DCLK1: variants seen among roughly 807,000 people sequenced by gnomAD.
DCLK1 encodes the protein doublecortin like kinase 1, also known as serine/threonine-protein kinase DCLK1.
In DCLK1, 16 loss-of-function variants were observed where a neutral mutation model predicts 86.2. The observed-to-expected ratio is 0.19, with a 90% confidence interval of 0.13 to 0.28. The LOEUF is 0.28. Ranked by LOEUF, DCLK1 falls within the 10% of genes least tolerant of loss-of-function variation. DCLK1 has a pLI of 1.00. For missense variants in DCLK1, 590 were observed against 940.2 expected (o/e 0.63, Z 4.87); for synonymous variants, 369 against 370.5 (o/e 1.00, Z 0.05).
At chr13:36,001,214 C>G (rs1880700849) in intron 3 of DCLK1, among the ~76,000 whole-genome samples, 1 of 152,194 alleles carries the variant, frequency 6.6e-6, no homozygotes, top group African/African-American at 2.4e-5. Context: ...TCCCAAAGTG[C>G]TGGGATTATA....
At chr13:35,925,804 T>C (rs1184923941) in intron 4 of DCLK1, among the ~76,000 whole-genome samples, 1 of 152,218 alleles carries the variant, frequency 6.6e-6, no homozygotes, top group East Asian at 1.9e-4. Flanking sequence ...ACTCTAATTA[T>C]ACACGTGCAT....
chr13:35,836,175 A>G lies in DCLK1; in HGVS notation c.1121-34T>C, dbSNP rs746648529. ...ATCATTAATACTTTTTTATTGGTTG[A>G]AAAGGGAACACAGATGTTGCACAAG... On this transcript the variant is annotated intron_variant, in intron 7 of 16. Transcript: ENST00000360631. 5.2e-6 allele frequency: 8 copies of G among 1,527,480 alleles called. No homozygotes were observed. In the Admixed American group the frequency reaches 1.2e-4, roughly 24 times the overall value. The allele number at this position is 1,527,480 out of a possible 1,614,324, so 94.6% of individuals were successfully genotyped here. A position where few individuals can be genotyped will look rare whatever the true frequency, so the allele number is the denominator to read the frequency against.
Position 36,101,425 on chromosome 13 carries a change from T to C in DCLK1, c.723+10444A>G, listed in dbSNP as rs376948700. Among the ~76,000 whole-genome samples, 16 of 152,334 alleles carry C rather than the reference T, an allele frequency of 1.1e-4. No individual in the cohort carries two copies. In the East Asian group the frequency reaches 1.5e-3, roughly 15 times the overall value. ...CATATCTTGCCATCTGATGTCAACA[T>C]TGGCATTGAGAGGATGCTAATAAAA... On this transcript the variant is annotated intron_variant, in intron 3 of 16. Transcript: ENST00000360631.
intron 11 of DCLK1, 37 bp downstream of exon 11, chr13:35,822,692 G>A: frequency 6.2e-7 from 1 of 1,612,506 alleles, no homozygotes. Context: ...ATGAGTGCTT[G>A]GAACTCAGGA....
intron 3 of DCLK1, among the ~76,000 whole-genome samples, chr13:35,985,069 C>T (rs1253237185): frequency 4.6e-5 from 7 of 152,344 alleles, no homozygotes; most frequent in Non-Finnish European, 1.0e-4. Context: ...CCTGTCAATC[C>T]ACATGTGAGT....
intron 15 of DCLK1, among the ~76,000 whole-genome samples, chr13:35,798,218 G>A (rs1471056410): frequency 1.3e-5 from 2 of 152,340 alleles, no homozygotes; most frequent in Admixed American, 1.3e-4. Flanking sequence ...GGGAAGAGCT[G>A]TGGGGAGGCT....
intron 3 of DCLK1, among the ~76,000 whole-genome samples, chr13:36,078,248 G>A (rs1250685699): frequency 6.6e-6 from 1 of 152,170 alleles, no homozygotes; most frequent in African/African-American, 2.4e-5. Context: ...CCAGCCTTGA[G>A]AACTATGAGA....
At chr13:35,777,436 C>G (rs920475350) in intron 16 of DCLK1, among the ~76,000 whole-genome samples, 5 of 152,306 alleles carry the variant, frequency 3.3e-5, no homozygotes, top group African/African-American at 1.2e-4. Flanking sequence ...AGTTTCTTCC[C>G]ATTTACTCTG....
At chr13:35,919,366 T>C (rs1875645292) in intron 4 of DCLK1, among the ~76,000 whole-genome samples, 1 of 152,192 alleles carries the variant, frequency 6.6e-6, no homozygotes, top group African/African-American at 2.4e-5. Flanking sequence ...GTGAATTCTA[T>C]AGCATCTTCA....
chr13:35,957,041 T>C (rs931292419), intron 3 of DCLK1, among the ~76,000 whole-genome samples: 5 of 1,130 alleles, frequency 4.4e-3, no homozygotes, highest in African/African-American at 0.012. Context: ...TGGTCACTAT[T>C]TTGAAAAGTC....
chr13:35,916,995 A>G (rs1052493927), intron 4 of DCLK1, among the ~76,000 whole-genome samples: 1 of 152,178 alleles, frequency 6.6e-6, no homozygotes, highest in African/African-American at 2.4e-5. Flanking sequence ...CCTCGAGGAA[A>G]ATAGCATCAT....
In DCLK1 at chr13:35,787,868, T is replaced by C. The variant is rs971171863; in HGVS notation, c.2058+5498A>G. 4 of 337,214 alleles carry C rather than the reference T, an allele frequency of 1.2e-5. No individual in the cohort carries two copies. The Admixed American group carries it at 1.8e-4, about 15-fold the overall frequency. The allele number at this position is 337,214 out of a possible 1,614,324, so 20.9% of individuals were successfully genotyped here. A position where few individuals can be genotyped will look rare whatever the true frequency, so the allele number is the denominator to read the frequency against. On this transcript the variant is annotated intron_variant, in intron 16 of 16. Transcript: ENST00000360631. ...ACACTAGCGTGCTATTGTTCTTCCA[T>C]TTGTTAAGGGACAGAAGAGCACTGG...
chr13:35,907,962 T>G (rs1874780308), intron 4 of DCLK1, among the ~76,000 whole-genome samples: 1 of 152,070 alleles, frequency 6.6e-6, no homozygotes, highest in Non-Finnish European at 1.5e-5. Context: ...AAATAACAGT[T>G]CTAAGAACAT....
intron 3 of DCLK1, among the ~76,000 whole-genome samples, chr13:36,070,039 C>A (rs1233068731): frequency 1.3e-5 from 2 of 152,088 alleles, no homozygotes; most frequent in African/African-American, 4.8e-5. Flanking sequence ...AATTTTGATG[C>A]AAGAGGCTTG....
At position 36,126,037 on chromosome 13, in the gene DCLK1, G is replaced by A; in HGVS notation, c.101C>T (p.Thr34Met). 6.2e-7 allele frequency: 1 copy of A among 1,613,778 alleles called. No homozygotes were observed. Reference sequence around the variant, plus strand: ...GTAGAAGCTGCAGTGGGCGCTGTGCGTCGGGCTCGGCAGGCCGTTCACCCG... The same window carrying A: ...GTAGAAGCTGCAGTGGGCGCTGTGCATCGGGCTCGGCAGGCCGTTCACCCG... ...GSRVNGLPSP[T>M]HSAHCSFYRT... Residue 34 changes from threonine to methionine, a missense_variant, in exon 2 of 17, where the codon ACG becomes ATG. This residue lies in a region of DCLK1 where 50 missense variants were observed against 47.8 expected (regional missense o/e 1.05). Transcript: ENST00000360631.
intron 1 of DCLK1, among the ~76,000 whole-genome samples, chr13:36,130,100 C>A (rs942621680): frequency 6.6e-6 from 1 of 152,146 alleles, no homozygotes; most frequent in East Asian, 1.9e-4. Context: ...GGCCCGTGCA[C>A]CACCACGGAC....
rs1435123234 is a variant in DCLK1, at chr13:35,773,097, A to T, written c.*1438T>A. 1 of 152,256 alleles carries T rather than the reference A, an allele frequency of 6.6e-6. No individual in the cohort carries two copies. Among genetic ancestry groups the T allele is most frequent in the East Asian group, 1.9e-4 (1 of 5,172 alleles). The allele number at this position is 152,256 out of a possible 1,614,324, so 9.4% of individuals were successfully genotyped here. A position where few individuals can be genotyped will look rare whatever the true frequency, so the allele number is the denominator to read the frequency against. ...AGACACCCCAGGAGAATCCTCTCTG[A>T]GCACTGTGGTGATGCACAGAACCTG... On this transcript the variant is annotated 3_prime_UTR_variant, in exon 17 of 17. Transcript: ENST00000360631.
intron 3 of DCLK1, among the ~76,000 whole-genome samples, chr13:36,064,691 A>G (rs1883685954): frequency 6.6e-6 from 1 of 151,668 alleles, no homozygotes; most frequent in Admixed American, 6.6e-5. Flanking sequence ...TCAGGGGAAA[A>G]GCAGGAAATG....
At chr13:35,962,428 A>G (rs2153137527) in intron 3 of DCLK1, among the ~76,000 whole-genome samples, 1 of 152,302 alleles carries the variant, frequency 6.6e-6, no homozygotes, top group Admixed American at 6.5e-5. Context: ...AGCAAACACC[A>G]GAAGCTAGGG....
Sources: gnomAD v4.1 joint callset for allele counts (sites outside exome capture counted in the v4.1 genomes callset) on GRCh38, gnomAD v4.1.1 for gene constraint, gnomAD v4.1.1 regional missense constraint, MANE v1.5 for transcripts, NCBI Gene and HGNC (gene_info 2026-07-23, HGNC 2026-07-21) for gene names.